KREMEN1: variants seen among roughly 807,000 people sequenced by gnomAD.
KREMEN1 encodes kringle containing transmembrane protein 1, also known as kremen protein 1.
A neutral mutation model predicts 46.5 loss-of-function variants in KREMEN1; 30 were observed. The observed-to-expected ratio is 0.65, with a 90% CI of 0.48 to 0.88. The LOEUF (loss-of-function observed/expected upper bound fraction) is 0.88, where lower values mean the gene tolerates loss of function less well. KREMEN1 is among the 40% of genes least tolerant of loss of function. KREMEN1 has a pLI of 0.00. For missense variants in KREMEN1, 533 were observed against 596.9 expected (o/e 0.89, Z 1.11); for synonymous variants, 214 against 230.6 (o/e 0.93, Z 0.65).
At position 29,144,024 on chromosome 22, in the gene KREMEN1, C is replaced by G; in HGVS notation, c.*1912C>G. ...GCCATCACTAATTTAAAAGTCCTTG[C>G]CATCTGGAATCAGGCTTTGTCAACA... On this transcript the variant is annotated 3_prime_UTR_variant, in exon 9 of 9. Transcript: ENST00000400335. 1 of 985,580 alleles carries G rather than the reference C, an allele frequency of 1.0e-6. No individual in the cohort carries two copies. The highest frequency in any genetic ancestry group is 1.2e-6 in the Non-Finnish European group (1 of 830,038). The allele number at this position is 985,580 out of a possible 1,614,324, so 61.1% of individuals were successfully genotyped here.
intron 1 of KREMEN1, among the ~76,000 whole-genome samples, chr22:29,079,573 G>A (rs1470926710): frequency 6.6e-6 from 1 of 152,248 alleles, no homozygotes; most frequent in African/African-American, 2.4e-5. Flanking sequence ...ATTAGCAACT[G>A]CAGACTTTGA....
chr22:29,097,538 C>T (rs2037900013), intron 2 of KREMEN1, among the ~76,000 whole-genome samples: 1 of 152,212 alleles, frequency 6.6e-6, no homozygotes, highest in Admixed American at 6.5e-5. Context: ...GAATAGCACC[C>T]ATTTCTAGCA....
chr22:29,122,228 T>C (rs6005997), intron 4 of KREMEN1, among the ~76,000 whole-genome samples: 31,165 of 152,102 alleles, frequency 0.2, 3,488 homozygotes, highest in Admixed American at 0.31. Flanking sequence ...CATCACCAGT[T>C]GTCAGGGAAA....
Position 29,146,018 on chromosome 22 carries a change from T to G in KREMEN1, c.*3906T>G. ...GCATCCTGGCACTGCACGCTTACTC[T>G]TCACAAGCACTTATACGCGGATGGC... On this transcript the variant is annotated 3_prime_UTR_variant, in exon 9 of 9. Transcript: ENST00000400335. 1.0e-6 allele frequency: 1 copy of G among 985,428 alleles called. No homozygotes were observed. 61.0% of individuals were successfully genotyped at this position (985,428 alleles called of 1,614,324 possible).
chr22:29,117,435 C>T (rs559327799), intron 3 of KREMEN1, among the ~76,000 whole-genome samples: 16 of 152,074 alleles, frequency 1.1e-4, no homozygotes, highest in South Asian at 2.1e-4. Flanking sequence ...GGCGTGGTGG[C>T]GGGCGCCTAT....
rs960313365 is a variant in KREMEN1 at position 29,142,709 on chromosome 22, C to G, written c.*597C>G. The G allele has an allele frequency of 3.0e-6, 3 of 985,410 alleles. No homozygotes were observed. The African/African-American group carries it at 5.2e-5, about 17-fold the overall frequency. The allele number at this position is 985,410 out of a possible 1,614,324, so 61.0% of individuals were successfully genotyped here. A position where few individuals can be genotyped will look rare whatever the true frequency, so the allele number is the denominator to read the frequency against. ...CTCCAGATGCTGGACTAGGGTGGGC[C>G]TCCTTCAGCCTGGGAGGGTCTGAGA... On this transcript the variant is annotated 3_prime_UTR_variant, in exon 9 of 9. Coordinates refer to ENST00000400335, the MANE Select transcript of KREMEN1 (RefSeq NM_001039570.3).
At chr22:29,098,808 A>T (rs2037926219) in intron 2 of KREMEN1, 54 bp from the exon 3 acceptor site, 1 of 1,291,862 alleles carries the variant, frequency 7.7e-7, no homozygotes, top group African/African-American at 1.5e-5. Context: ...AAAAGCAATG[A>T]ACCAGTTGAA....
chr22:29,118,390 A>G (rs2038277204), intron 3 of KREMEN1, among the ~76,000 whole-genome samples: 1 of 152,192 alleles, frequency 6.6e-6, no homozygotes, highest in South Asian at 2.1e-4. Flanking sequence ...ATACAAGGGC[A>G]TGAATACCAG....
intron 9 of KREMEN1, among the ~76,000 whole-genome samples, chr22:29,153,201 G>C (rs757756513): frequency 2.6e-5 from 4 of 152,176 alleles, no homozygotes; most frequent in Non-Finnish European, 5.9e-5. Context: ...TGGTTTTGGC[G>C]GGTTTTGTCC....
At chr22:29,147,170 AG>A (rs1439634127), downstream of KREMEN1, among the ~76,000 whole-genome samples, 1 of 152,164 alleles carries the variant, frequency 6.6e-6, no homozygotes, top group African/African-American at 2.4e-5. Context: ...CCATCTGAAA[AG>A]GGTAATGGAA....
intron 9 of KREMEN1, among the ~76,000 whole-genome samples, chr22:29,155,332 C>T (rs1238116552): frequency 2.0e-5 from 3 of 151,980 alleles, no homozygotes; most frequent in Non-Finnish European, 2.9e-5. Flanking sequence ...CCCAGGAGTT[C>T]GAGACCAGCC....
At chr22:29,131,560 A>ATATGTGTGTG (rs1240832937) in intron 5 of KREMEN1, among the ~76,000 whole-genome samples, 14 of 69,928 alleles carry the variant, frequency 2.0e-4, no homozygotes, top group East Asian at 9.9e-4. Context: ...ATATATATAT[A>ATATGTGTGTG]TGTGTGTGTG....
intron 1 of KREMEN1, among the ~76,000 whole-genome samples, chr22:29,077,653 CTT>C (rs772357740): frequency 2.0e-5 from 3 of 152,110 alleles, no homozygotes; most frequent in Admixed American, 6.5e-5. Flanking sequence ...TTTTTTAAGT[CTT>C]AGCTTGTGGG....
chr22:29,157,409 C>G (rs2038972846), intron 9 of KREMEN1, among the ~76,000 whole-genome samples: 1 of 152,250 alleles, frequency 6.6e-6, no homozygotes, highest in Non-Finnish European at 1.5e-5. Flanking sequence ...ACGATCTCAG[C>G]TCACTGCAAC....
intron 7 of KREMEN1, 37 bp downstream of exon 7, chr22:29,138,819 G>T (rs1280105786): frequency 4.3e-6 from 7 of 1,614,122 alleles, no homozygotes; most frequent in Non-Finnish European, 3.4e-6. Context: ...GGGGCTGGAA[G>T]CCACAGAGTT....
At chr22:29,134,292 G>A (rs2038621315) in intron 5 of KREMEN1, among the ~76,000 whole-genome samples, 1 of 151,954 alleles carries the variant, frequency 6.6e-6, no homozygotes, top group Non-Finnish European at 1.5e-5. Context: ...TGAGTAGCTG[G>A]GACTGCAGGC....
chr22:29,121,269 A>G, intron 3 of KREMEN1, 88 bp from the exon 4 acceptor site: 1 of 1,506,366 alleles, frequency 6.6e-7, no homozygotes, highest in South Asian at 1.2e-5. Flanking sequence ...ACTGGCTGAG[A>G]TGAAAGTACC....
intron 9 of KREMEN1, among the ~76,000 whole-genome samples, chr22:29,157,661 G>A (rs927244862): frequency 5.9e-5 from 9 of 152,152 alleles, no homozygotes; most frequent in African/African-American, 2.2e-4. Flanking sequence ...TGCCTCTGTG[G>A]CCAATGTCAT....
chr22:29,156,561 AGGAATG>A (rs2038964003), intron 9 of KREMEN1, among the ~76,000 whole-genome samples: 1 of 1,608 alleles, frequency 6.2e-4, no homozygotes, highest in Non-Finnish European at 1.7e-3. Flanking sequence ...CTCTCCGCAC[AGGAATG>A]CTCTCCGCAC....
Sources: gnomAD v4.1 joint callset for allele counts (sites outside exome capture counted in the v4.1 genomes callset) on GRCh38, gnomAD v4.1.1 for gene constraint, MANE v1.5 for transcripts, NCBI Gene and HGNC (gene_info 2026-07-23, HGNC 2026-07-21) for gene names.